The following COL9A1 variants were observed in gnomAD, a reference collection of about 807,000 sequenced individuals.
The protein encoded by COL9A1 is collagen type IX alpha 1 chain, also known as collagen alpha-1(IX) chain.
COL9A1 carries 104 observed loss-of-function variants against 142.6 expected under a neutral mutation model. That is an observed-to-expected ratio of 0.73 (90% CI 0.62 to 0.86). COL9A1 has a LOEUF of 0.86. Among genes scored for constraint, COL9A1 ranks in the 40% least tolerant of loss-of-function variants. COL9A1 has a pLI of 0.00. For synonymous variants in COL9A1, 466 were observed against 396.0 expected (o/e 1.18, Z -2.10); for missense variants, 1,210 against 1,176.6 (o/e 1.03, Z -0.42).
At chr6:70,249,873 C>G (rs1313491652) in intron 28 of COL9A1, among the ~76,000 whole-genome samples, 1 of 152,166 alleles carries the variant, frequency 6.6e-6, no homozygotes, top group Non-Finnish European at 1.5e-5. Flanking sequence ...GCTCTCCCTA[C>G]TCCATGTCAT....
At chr6:70,264,210 T>G (rs1290136831) in intron 18 of COL9A1, among the ~76,000 whole-genome samples, 2 of 152,040 alleles carry the variant, frequency 1.3e-5, no homozygotes, top group African/African-American at 4.8e-5. Context: ...TACTCTTATT[T>G]TTTAGATTTC....
At chr6:70,288,436 A>G (rs571561010) in intron 5 of COL9A1, among the ~76,000 whole-genome samples, 44 of 152,240 alleles carry the variant, frequency 2.9e-4, no homozygotes, top group African/African-American at 9.9e-4. Flanking sequence ...CCTACAATAT[A>G]TTATCAAAAT....
intron 19 of COL9A1, 58 bp downstream of exon 19, chr6:70,263,186 C>A: frequency 1.5e-6 from 2 of 1,321,962 alleles, no homozygotes; most frequent in South Asian, 2.7e-5. Flanking sequence ...TTCCAACAGT[C>A]ATGAAAAAAA....
intron 7 of COL9A1, among the ~76,000 whole-genome samples, chr6:70,281,901 G>C (rs986698111): frequency 1.3e-5 from 2 of 152,296 alleles, no homozygotes; most frequent in African/African-American, 4.8e-5. Flanking sequence ...TCCACACCAG[G>C]ATCTTTGTCC....
intron 33 of COL9A1, among the ~76,000 whole-genome samples, chr6:70,237,230 T>C (rs1257230977): frequency 6.6e-6 from 1 of 152,216 alleles, no homozygotes; most frequent in African/African-American, 2.4e-5. Context: ...ATCCTGCTGA[T>C]AATGACTGAA....
chr6:70,257,776 T>A (rs1771415383), intron 20 of COL9A1, among the ~76,000 whole-genome samples: 1 of 152,066 alleles, frequency 6.6e-6, no homozygotes, highest in African/African-American at 2.4e-5. Flanking sequence ...TTATTAACGA[T>A]GAAGGCCATG....
At position 70,263,270 on chromosome 6, in the gene COL9A1, C is replaced by T. The variant is rs148011193; in HGVS notation, c.1369G>A (p.Gly457Arg). Residue 457 changes from glycine to arginine, a missense_variant, in exon 19 of 38, where the codon GGA (glycine) becomes AGA (arginine). Physicochemically the swap from Gly to Arg is moderately radical, Grantham distance 125 (BLOSUM62 -2). Coordinates refer to ENST00000357250, the MANE Select transcript of COL9A1 (RefSeq NM_001851.6). Reference protein sequence around the residue: ...KGEEGDQGELGEVGAQGPPGA... With the variant: ...KGEEGDQGELREVGAQGPPGA... ...GGAGGTCCTTGAGCTCCAACTTCTC[C>T]GAGTTCTCCCTGGTCACCTTCTTCA... The T allele has an allele frequency of 1.6e-5, 26 of 1,608,364 alleles. No individual in the cohort carries two copies. The highest frequency in any genetic ancestry group is 5.6e-5 in the South Asian group (5 of 89,646).
intron 19 of COL9A1, among the ~76,000 whole-genome samples, chr6:70,261,630 C>A (rs1298624912): frequency 6.6e-6 from 1 of 152,202 alleles, no homozygotes; most frequent in Non-Finnish European, 1.5e-5. Context: ...CTATGTAGAT[C>A]AGTCAGGAAT....
chr6:70,280,107 G>A, intron 10 of COL9A1: 1 of 607,796 alleles, frequency 1.6e-6, no homozygotes, highest in Non-Finnish European at 3.1e-6. Context: ...GTATTATTTA[G>A]TGTTAGGTTT....
chr6:70,240,658 T>C, intron 32 of COL9A1, 31 bp downstream of exon 32: 14 of 1,584,100 alleles, frequency 8.8e-6, no homozygotes, highest in Admixed American at 1.7e-5. Flanking sequence ...TTGGTAAAGC[T>C]TCATCATTAA....
intron 10 of COL9A1, chr6:70,280,488 C>T: frequency 7.6e-7 from 1 of 1,314,064 alleles, no homozygotes; most frequent in Non-Finnish European, 9.7e-7. Flanking sequence ...GCCATCCGTA[C>T]CCCCTCTGGC....
At chr6:70,267,667 G>C (rs563122987) in intron 17 of COL9A1, among the ~76,000 whole-genome samples, 2 of 152,350 alleles carry the variant, frequency 1.3e-5, no homozygotes, top group East Asian at 3.9e-4. Flanking sequence ...ATAAAGGGCA[G>C]TGGGTGAAAG....
intron 4 of COL9A1, among the ~76,000 whole-genome samples, chr6:70,299,466 A>G (rs1027485700): frequency 2.0e-5 from 3 of 152,316 alleles, no homozygotes; most frequent in East Asian, 3.9e-4. Flanking sequence ...CTTACACACT[A>G]AAGTACCTCA....
At chr6:70,281,109 C>T (rs1194486276) in intron 8 of COL9A1, 70 bp from the exon 9 acceptor site, 1 of 1,313,336 alleles carries the variant, frequency 7.6e-7, no homozygotes, top group Non-Finnish European at 1.1e-6. Context: ...CTGGGACAAT[C>T]CCAGGAGAGC....
chr6:70,232,440 C>T (rs959746959), intron 36 of COL9A1, 143 bp downstream of exon 36: 6 of 974,724 alleles, frequency 6.2e-6, no homozygotes, highest in African/African-American at 3.2e-5. Context: ...TGAATCTTCA[C>T]CGTCACTATT....
chr6:70,253,184 T>C (rs1186441733), intron 26 of COL9A1: 1 of 487,704 alleles, frequency 2.1e-6, no homozygotes, highest in Non-Finnish European at 3.8e-6. Flanking sequence ...GGAAATCTAA[T>C]TAGCAGCATT....
In COL9A1 at chr6:70,263,500, C is replaced by A. The variant is rs374036595; in HGVS notation, c.1342-203G>T. Among the ~76,000 whole-genome samples, 41 of 151,992 alleles carry A rather than the reference C, an allele frequency of 2.7e-4. No homozygotes were observed. The East Asian group carries it at 6.4e-3, about 24-fold the overall frequency. On this transcript the variant is annotated intron_variant, in intron 18 of 37. Transcript: ENST00000357250. ...ACAGAGAAGCCTACATATAAAAAGT[C>A]ACCAAAATACCACCATTTAACTATA...
intron 10 of COL9A1, chr6:70,280,539 A>C: frequency 7.2e-7 from 1 of 1,382,202 alleles, no homozygotes; most frequent in Non-Finnish European, 9.4e-7. Flanking sequence ...CTGTGAGGTC[A>C]CGGTTAGAGA....
intron 37 of COL9A1, among the ~76,000 whole-genome samples, chr6:70,219,696 G>A (rs1295457418): frequency 3.3e-5 from 5 of 152,222 alleles, no homozygotes; most frequent in Admixed American, 1.3e-4. Flanking sequence ...CTCTTCTCCA[G>A]CTAACAGCTG....
Sources: gnomAD v4.1 joint callset for allele counts (sites outside exome capture counted in the v4.1 genomes callset) on GRCh38, gnomAD v4.1.1 for gene constraint, MANE v1.5 for transcripts, NCBI Gene and HGNC (gene_info 2026-07-23, HGNC 2026-07-21) for gene names.